The following NRF1 variants were observed in gnomAD, a reference collection of about 807,000 sequenced individuals.
NRF1 encodes the protein nuclear respiratory factor 1, also known as alpha palindromic-binding protein.
NRF1 carries 5 observed loss-of-function variants against 58.5 expected under a neutral mutation model. The observed-to-expected ratio is 0.09, with a 90% confidence interval of 0.04 to 0.18. The LOEUF is 0.18. NRF1 is among the 10% of genes least tolerant of loss of function. The pLI, the probability that NRF1 is intolerant of heterozygous loss-of-function variation, is 1.00. For missense variants in NRF1, 288 were observed against 657.7 expected, an observed-to-expected ratio of 0.44 and a Z score of 6.15; for synonymous variants, 224 against 246.7, an observed-to-expected ratio of 0.91 and a Z score of 0.86.
intron 10 of NRF1, among the ~76,000 whole-genome samples, chr7:129,740,493 T>C (rs1355568919): frequency 3.9e-5 from 6 of 152,224 alleles, no homozygotes; most frequent in African/African-American, 1.2e-4. Context: ...CCTGTGTTCC[T>C]GGTGGAAGTC....
chr7:129,687,632 ACT>A (rs1252148709), intron 4 of NRF1, among the ~76,000 whole-genome samples: 1 of 152,112 alleles, frequency 6.6e-6, no homozygotes, highest in Non-Finnish European at 1.5e-5. Flanking sequence ...AACAGCCAAG[ACT>A]CACATTCTCT....
At chr7:129,648,606 C>T (rs1402898097) in intron 1 of NRF1, among the ~76,000 whole-genome samples, 10 of 152,042 alleles carry the variant, frequency 6.6e-5, no homozygotes, top group Admixed American at 6.6e-4. Flanking sequence ...ATATAAGGTA[C>T]TTATTTTTTT....
At chr7:129,612,788 A>C (rs886253008) in intron 1 of NRF1, among the ~76,000 whole-genome samples, 1 of 152,136 alleles carries the variant, frequency 6.6e-6, no homozygotes, top group African/African-American at 2.4e-5. Context: ...CCATCGTGCA[A>C]TGATGTCTGC....
intron 5 of NRF1, among the ~76,000 whole-genome samples, chr7:129,694,285 C>G (rs1211267594): frequency 6.6e-6 from 1 of 152,098 alleles, no homozygotes; most frequent in East Asian, 1.9e-4. Flanking sequence ...CTGGCATTTT[C>G]CCCCCTCAAC....
intron 10 of NRF1, among the ~76,000 whole-genome samples, chr7:129,736,540 G>T (rs1025074047): frequency 6.6e-6 from 1 of 151,754 alleles, no homozygotes; most frequent in East Asian, 1.9e-4. Flanking sequence ...GAGCCATCAC[G>T]CCCAGCCCAA....
chr7:129,663,385 G>T (rs926267002), intron 2 of NRF1, among the ~76,000 whole-genome samples: 1 of 149,560 alleles, frequency 6.7e-6, no homozygotes, highest in African/African-American at 2.5e-5. Flanking sequence ...GGTGGTGGCC[G>T]GACAGAGGCG....
intron 5 of NRF1, among the ~76,000 whole-genome samples, chr7:129,693,240 C>T (rs775859400): frequency 1.4e-4 from 21 of 152,170 alleles, no homozygotes; most frequent in African/African-American, 4.1e-4. Flanking sequence ...TCAGTGTGGA[C>T]GCTGACGCTG....
chr7:129,656,228 GCAA>G (rs1801651191), intron 1 of NRF1, among the ~76,000 whole-genome samples: 1 of 152,014 alleles, frequency 6.6e-6, no homozygotes. Flanking sequence ...TATTTGATCA[GCAA>G]GTGACTGGTT....
chr7:129,663,826 G>C (rs913153856), intron 2 of NRF1, among the ~76,000 whole-genome samples: 9 of 152,222 alleles, frequency 5.9e-5, no homozygotes, highest in African/African-American at 1.2e-4. Context: ...CTGTACTCCA[G>C]CCTGGGCAAC....
chr7:129,733,341 C>T (rs916834014), intron 10 of NRF1, among the ~76,000 whole-genome samples: 2 of 151,776 alleles, frequency 1.3e-5, no homozygotes, highest in African/African-American at 4.8e-5. Flanking sequence ...GTGGCGGGTG[C>T]CTGTAGTCCC....
chr7:129,740,843 A>C (rs1449576449), intron 10 of NRF1, among the ~76,000 whole-genome samples: 1 of 152,122 alleles, frequency 6.6e-6, no homozygotes, highest in East Asian at 1.9e-4. Flanking sequence ...AAGCTCTGCT[A>C]TTTGAAGGCT....
chr7:129,674,472 C>T (rs987744591), intron 3 of NRF1, among the ~76,000 whole-genome samples: 2 of 151,922 alleles, frequency 1.3e-5, no homozygotes, highest in East Asian at 3.9e-4. Flanking sequence ...TCTAGCTCTG[C>T]TGTCCAAGCT....
chr7:129,731,009 C>T (rs1458165185), intron 10 of NRF1, among the ~76,000 whole-genome samples: 7 of 150,924 alleles, frequency 4.6e-5, no homozygotes, highest in African/African-American at 1.7e-4. Flanking sequence ...CAGTGGCTCA[C>T]ACCTGTAATC....
chr7:129,717,401 G>A (rs758466637), intron 9 of NRF1, 25 bp downstream of exon 9: 3 of 1,587,852 alleles, frequency 1.9e-6, no homozygotes, highest in South Asian at 1.1e-5. Context: ...GTGGGAATAA[G>A]TGAGGATCGC....
At chr7:129,696,876 G>A (rs560745159) in intron 5 of NRF1, among the ~76,000 whole-genome samples, 1 of 152,288 alleles carries the variant, frequency 6.6e-6, no homozygotes, top group South Asian at 2.1e-4. Flanking sequence ...CTAACTCAGA[G>A]TGAGAAGATC....
In NRF1 at chr7:129,755,323, C is replaced by A; in HGVS notation, c.*142C>A. On this transcript the variant is annotated 3_prime_UTR_variant, in exon 11 of 11. Transcript: ENST00000393232. This position sits in a 1 kb window ranked among gnomAD's most constrained non-coding sequence, Gnocchi z 5.8. Reference sequence around the variant, plus strand: ...CTTTTTTTTTTTAAAAGGAAGAAAGCGGATTTTGGAATTGCATTTTTTAAA... The same window carrying A: ...CTTTTTTTTTTTAAAAGGAAGAAAGAGGATTTTGGAATTGCATTTTTTAAA... 2.7e-6 allele frequency: 2 copies of A among 740,274 alleles called. No homozygotes were observed. Among genetic ancestry groups the A allele is most frequent in the Non-Finnish European group, 3.9e-6 (2 of 512,086 alleles). 45.9% of individuals were successfully genotyped at this position (740,274 alleles called of 1,614,324 possible). A position where few individuals can be genotyped will look rare whatever the true frequency, so the allele number is the denominator to read the frequency against.
chr7:129,622,571 CTTT>C (rs71527916), intron 1 of NRF1, among the ~76,000 whole-genome samples: 16 of 132,554 alleles, frequency 1.2e-4, no homozygotes, highest in Non-Finnish European at 2.3e-4. Context: ...CTTTTCTTTT[CTTT>C]TTTTTTTTTT....
chr7:129,751,513 A>G (rs894067459), intron 10 of NRF1, among the ~76,000 whole-genome samples: 2 of 152,270 alleles, frequency 1.3e-5, no homozygotes, highest in African/African-American at 4.8e-5. Context: ...GGCCCACATC[A>G]TAGGAAACCC....
chr7:129,697,039 A>G (rs1327355910), intron 5 of NRF1, among the ~76,000 whole-genome samples: 2 of 152,172 alleles, frequency 1.3e-5, no homozygotes, highest in East Asian at 3.8e-4. Flanking sequence ...ACACCAAGGT[A>G]TTATTACTAA....
Sources: gnomAD v4.1 joint callset for allele counts (sites outside exome capture counted in the v4.1 genomes callset) on GRCh38, gnomAD v4.1.1 for gene constraint, Gnocchi (gnomAD v3.1) non-coding constraint, MANE v1.5 for transcripts, NCBI Gene and HGNC (gene_info 2026-07-23, HGNC 2026-07-21) for gene names.